SORBS2: variants seen among roughly 807,000 people sequenced by gnomAD.
SORBS2 encodes sorbin and SH3 domain-containing protein 2.
In SORBS2, 46 loss-of-function variants were observed where a neutral mutation model predicts 97.7. The observed-to-expected ratio is 0.47, with a 90% confidence interval of 0.37 to 0.60. The LOEUF is 0.60. Ranked by LOEUF, SORBS2 falls within the 20% of genes least tolerant of loss-of-function variation. SORBS2 has a pLI of 0.00. For synonymous variants in SORBS2, 476 were observed against 473.4 expected (o/e 1.01, Z -0.07); for missense variants, 1,316 against 1,282.3 (o/e 1.03, Z -0.40).
chr4:185,645,958 G>C (rs2097200709), intron 4 of SORBS2: 2 of 152,130 alleles, frequency 1.3e-5, no homozygotes, highest in Non-Finnish European at 2.9e-5. Context: ...CTTCTTAAGT[G>C]TATAGATATT....
chr4:185,869,257 C>T (rs976185600), intron 1 of SORBS2, among the ~76,000 whole-genome samples: 1 of 152,140 alleles, frequency 6.6e-6, no homozygotes, highest in African/African-American at 2.4e-5. Flanking sequence ...ATCTTTCTGA[C>T]TCACTGGAGA....
Position 185,684,793 on chromosome 4 carries a change from C to T in SORBS2, c.-197-5971G>A. 5 of 1,551,996 alleles carry T rather than the reference C, an allele frequency of 3.2e-6. No individual in the cohort carries two copies. Among genetic ancestry groups the T allele is most frequent in the Non-Finnish European group, 4.4e-6 (5 of 1,147,036 alleles). On this transcript the variant is annotated intron_variant, in intron 2 of 20. Coordinates refer to the SORBS2 transcript ENST00000284776. This position sits in a 1 kb window ranked among gnomAD's most constrained non-coding sequence, Gnocchi z 4.2. ...TTTGGAGAACTTTGCACTCTCTTCA[C>T]AGATGTTAGCGTAACAGACATGGCG...
intron 1 of SORBS2, among the ~76,000 whole-genome samples, chr4:185,797,739 C>A (rs1425322918): frequency 6.6e-6 from 1 of 152,186 alleles, no homozygotes; most frequent in Non-Finnish European, 1.5e-5. Flanking sequence ...TGAATTCCAA[C>A]TTTATGTGAC....
intron 12 of SORBS2, among the ~76,000 whole-genome samples, chr4:185,595,276 G>T (rs1392424468): frequency 6.6e-6 from 1 of 152,090 alleles, no homozygotes; most frequent in Non-Finnish European, 1.5e-5. Context: ...TAAAACTAGA[G>T]TGCGTAAGAA....
chr4:185,754,755 C>T (rs1165214849), intron 2 of SORBS2, among the ~76,000 whole-genome samples: 2 of 152,202 alleles, frequency 1.3e-5, no homozygotes, highest in Non-Finnish European at 2.9e-5. Context: ...GCAGCTATTA[C>T]TCCACCATAC....
intron 1 of SORBS2, among the ~76,000 whole-genome samples, chr4:185,846,193 C>T (rs1017376747): frequency 1.3e-5 from 2 of 152,176 alleles, no homozygotes; most frequent in East Asian, 3.8e-4. Context: ...ATGGTACATC[C>T]ATACAACAGA....
rs1221809751 is a variant in SORBS2 at position 185,600,878 on chromosome 4, G to A, written c.2797-6943C>T. 4.0e-5 allele frequency among the ~76,000 whole-genome samples: 6 copies of A among 151,688 alleles called. No homozygotes were observed. The South Asian group carries it at 6.3e-4, about 16-fold the overall frequency. On this transcript the variant is annotated intron_variant, in intron 12 of 14. Transcript: ENST00000418609. Reference sequence around the variant, plus strand: ...TGGTGAAATTTGATGAACTACTGAAGTGCCAACCTGTGGGCTGGACTGTTT... The same window carrying A: ...TGGTGAAATTTGATGAACTACTGAAATGCCAACCTGTGGGCTGGACTGTTT...
intron 2 of SORBS2, among the ~76,000 whole-genome samples, chr4:185,730,590 C>T (rs76819555): frequency 0.051 from 7,718 of 152,258 alleles, 395 homozygotes; most frequent in East Asian, 0.21. Flanking sequence ...AGTCCTTGAG[C>T]GAGTCTCTTT....
chr4:185,806,131 C>T (rs2099152454), intron 1 of SORBS2, among the ~76,000 whole-genome samples: 2 of 152,238 alleles, frequency 1.3e-5, no homozygotes, highest in South Asian at 4.1e-4. Flanking sequence ...ATTCTCCATG[C>T]AGCCGAAGGC....
intron 12 of SORBS2, among the ~76,000 whole-genome samples, chr4:185,601,550 C>A (rs28723469): frequency 0.066 from 9,989 of 152,180 alleles, 851 homozygotes; most frequent in African/African-American, 0.19. Context: ...GGCCACCATA[C>A]CAGTCCCGGA....
At position 185,860,980 on chromosome 4, in the gene SORBS2, G is replaced by A. The variant is rs568928296; in HGVS notation, c.-337-85614C>T. Among the ~76,000 whole-genome samples the A allele has an allele frequency of 1.1e-4, 17 of 152,278 alleles. 1 individual carries two copies. The South Asian group carries it at 3.3e-3, about 30-fold the overall frequency. On this transcript the variant is annotated intron_variant, in intron 1 of 20. Transcript: ENST00000284776. ...TCTCTTGGATCATGGAAAGGGAAAG[G>A]GGTTCTCTGTAGAATGCAGACTTTC...
At chr4:185,638,374 T>C (rs1281802069) in intron 4 of SORBS2, among the ~76,000 whole-genome samples, 1 of 152,218 alleles carries the variant, frequency 6.6e-6, no homozygotes, top group Non-Finnish European at 1.5e-5. Flanking sequence ...GGTCCCTAGC[T>C]GTTTCCTGCG....
chr4:185,755,777 T>A (rs1231720091), intron 2 of SORBS2, among the ~76,000 whole-genome samples: 1 of 152,206 alleles, frequency 6.6e-6, no homozygotes, highest in East Asian at 1.9e-4. Flanking sequence ...TTCAAGACTT[T>A]CCCTTTAACT....
At chr4:185,883,385 C>T (rs183348841) in intron 1 of SORBS2, among the ~76,000 whole-genome samples, 17 of 152,260 alleles carry the variant, frequency 1.1e-4, no homozygotes, top group East Asian at 7.7e-4. Flanking sequence ...GTATCAATGC[C>T]GGTGGGGATG....
At position 185,684,869 on chromosome 4, in the gene SORBS2, G is replaced by T. The variant is rs180724168; in HGVS notation, c.-197-6047C>A. 1.3e-4 allele frequency: 204 copies of T among 1,541,498 alleles called. No homozygotes were observed. In the African/African-American group the frequency reaches 2.3e-3, roughly 18 times the overall value. On this transcript the variant is annotated intron_variant, in intron 2 of 20. Transcript: ENST00000284776. The surrounding 1 kb of genome is among the most constrained non-coding windows in gnomAD (Gnocchi z 4.2). ...TATCTGGAAGCAAAAAAATGATATA[G>T]CAGAGGCCAAGGCAACGGGAAAAGC...
intron 1 of SORBS2, among the ~76,000 whole-genome samples, chr4:185,871,622 C>A (rs987263413): frequency 6.6e-6 from 1 of 152,204 alleles, no homozygotes; most frequent in Non-Finnish European, 1.5e-5. Flanking sequence ...CCTTTCCTTG[C>A]CTTCACTAAT....
intron 2 of SORBS2, among the ~76,000 whole-genome samples, chr4:185,708,812 C>G (rs549722015): frequency 1.3e-5 from 2 of 152,298 alleles, no homozygotes; most frequent in East Asian, 3.9e-4. Flanking sequence ...AAACGTGGAG[C>G]GCCTTTCCAA....
chr4:185,813,837 C>G (rs76317368), intron 1 of SORBS2, among the ~76,000 whole-genome samples: 1,800 of 152,292 alleles, frequency 0.012, 39 homozygotes, highest in African/African-American at 0.041. Context: ...TCTGCTATTA[C>G]AGGCCTTGTC....
chr4:185,678,742 G>T (rs2097831228), intron 3 of SORBS2, 54 bp downstream of exon 6: 1 of 1,283,282 alleles, frequency 7.8e-7, no homozygotes, highest in African/African-American at 1.5e-5. Flanking sequence ...CTATGAATAT[G>T]TTTTCTAAAA....
Sources: allele counts gnomAD v4.1 joint callset (sites outside exome capture counted in the v4.1 genomes callset), GRCh38; gene constraint gnomAD v4.1.1; non-coding constraint Gnocchi (gnomAD v3.1); transcripts MANE v1.5; gene names NCBI Gene and HGNC (gene_info 2026-07-23, HGNC 2026-07-21).